TPP2: variants seen among roughly 807,000 people sequenced by gnomAD.
TPP2 encodes the protein tripeptidyl-peptidase 2.
TPP2 carries 34 observed loss-of-function variants against 155.9 expected under a neutral mutation model. The ratio of observed to expected loss-of-function variants is 0.22; its 90% CI spans 0.17 to 0.29. TPP2 has a LOEUF of 0.29. TPP2 is among the 10% of genes least tolerant of loss of function. TPP2 has a pLI of 1.00. For synonymous variants in TPP2, 510 were observed against 529.4 expected, an observed-to-expected ratio of 0.96 and a Z score of 0.50; for missense variants, 1,028 against 1,522.3, an observed-to-expected ratio of 0.68 and a Z score of 5.40.
chr13:102,606,276 G>T (rs970695192), intron 2 of TPP2, among the ~76,000 whole-genome samples: 10 of 152,148 alleles, frequency 6.6e-5, no homozygotes, highest in African/African-American at 2.4e-4. Flanking sequence ...AGCTTGTTGT[G>T]GCAGCATATT....
chr13:102,597,908 T>G (rs1748224865), intron 1 of TPP2, among the ~76,000 whole-genome samples: 1 of 152,204 alleles, frequency 6.6e-6, no homozygotes, highest in Non-Finnish European at 1.5e-5. Context: ...GGCTTAGTCT[T>G]CGTTTACATA....
At chr13:102,629,973 C>T (rs1595163444) in intron 9 of TPP2, 123 bp from the exon 10 acceptor site, 2 of 726,582 alleles carry the variant, frequency 2.8e-6, no homozygotes, top group Non-Finnish European at 4.3e-6. Context: ...AAATTTTATT[C>T]TTCCATCGTA....
chr13:102,604,083 G>A (rs1277887135), intron 1 of TPP2, among the ~76,000 whole-genome samples: 2 of 152,100 alleles, frequency 1.3e-5, no homozygotes, highest in African/African-American at 4.8e-5. Flanking sequence ...GGGATTCCTG[G>A]GATGGCAAAG....
At chr13:102,609,799 TCC>T (rs1880139084) in intron 2 of TPP2, among the ~76,000 whole-genome samples, 1 of 151,946 alleles carries the variant, frequency 6.6e-6, no homozygotes, top group African/African-American at 2.4e-5. Flanking sequence ...ACCACATCCC[TCC>T]CCTGACACGA....
At chr13:102,599,208 A>G (rs1288308497) in intron 1 of TPP2, among the ~76,000 whole-genome samples, 2 of 152,234 alleles carry the variant, frequency 1.3e-5, no homozygotes, top group African/African-American at 4.8e-5. Context: ...TGGATCTTTC[A>G]TCACCAACTA....
At chr13:102,625,477 A>G (rs1881546692) in intron 6 of TPP2, among the ~76,000 whole-genome samples, 1 of 152,026 alleles carries the variant, frequency 6.6e-6, no homozygotes, top group African/African-American at 2.4e-5. Flanking sequence ...TTTAAGAAAT[A>G]TTCAAGCTGT....
Position 102,635,751 on chromosome 13 carries a change from T to C in TPP2, c.1509+49T>C, listed in dbSNP as rs78776414. On this transcript the variant is annotated intron_variant, in intron 12 of 29. Transcript: ENST00000376052. ...GGGTTGTAAAGCATCATTGAGATAA[T>C]ATCTTAGATATTATTGGGTAATATT... is the stretch of plus-strand genomic sequence containing the variant. 8.1e-4 allele frequency: 1,082 copies of C among 1,332,080 alleles called. 3 individuals are homozygous for C. The African/African-American group carries it at 0.011, about 13-fold the overall frequency. 82.5% of individuals were successfully genotyped at this position (1,332,080 alleles called of 1,614,324 possible).
chr13:102,618,049 A>T (rs1466643851), intron 4 of TPP2, among the ~76,000 whole-genome samples: 1 of 152,190 alleles, frequency 6.6e-6, no homozygotes, highest in Non-Finnish European at 1.5e-5. Flanking sequence ...TTTCCTAATT[A>T]TTTGAGTACC....
intron 28 of TPP2, among the ~76,000 whole-genome samples, chr13:102,674,926 C>T (rs1236091953): frequency 2.0e-5 from 3 of 152,046 alleles, no homozygotes; most frequent in Non-Finnish European, 2.9e-5. Context: ...CAGTAATTAT[C>T]ATCTTGATTT....
chr13:102,604,805 G>A lies in TPP2; in HGVS notation c.178G>A (p.Gly60Arg). ...TCTTAATTTTCAGGTTACAACTGAT[G>A]GAAAACCAAAAATCGTTGATATCAT... ...GAPGMQVTTD[G>R]KPKIVDIIDT... is the part of the protein sequence containing the mutation. Residue 60 changes from glycine (G) to arginine (R), a missense_variant, in exon 2 of 30, where the codon GGA becomes AGA. By Grantham distance (125) the Gly-to-Arg change is moderately radical. Transcript: ENST00000376052. 1 of 1,610,362 alleles carries A rather than the reference G, an allele frequency of 6.2e-7. No homozygotes were observed. The highest frequency in any genetic ancestry group is 8.5e-7 in the Non-Finnish European group (1 of 1,179,178).
intron 1 of TPP2, among the ~76,000 whole-genome samples, chr13:102,602,504 C>T (rs1330088437): frequency 6.6e-6 from 1 of 152,058 alleles, no homozygotes; most frequent in Non-Finnish European, 1.5e-5. Flanking sequence ...ACAGCTGTGC[C>T]TGGGAGGCCT....
chr13:102,605,113 G>T (rs1270027666), intron 2 of TPP2, among the ~76,000 whole-genome samples, 192 bp downstream of exon 2: 1 of 134,980 alleles, frequency 7.4e-6, no homozygotes, highest in Non-Finnish European at 1.6e-5. Context: ...ATCTGGGTGT[G>T]GCTTAACGGG....
intron 4 of TPP2, among the ~76,000 whole-genome samples, chr13:102,617,123 C>G (rs749003949): frequency 6.6e-6 from 1 of 151,756 alleles, no homozygotes; most frequent in Non-Finnish European, 1.5e-5. Flanking sequence ...ACCGTGTTGG[C>G]CAGGCTGGTC....
At chr13:102,635,908 G>T (rs1393910408) in intron 12 of TPP2, among the ~76,000 whole-genome samples, 1 of 152,142 alleles carries the variant, frequency 6.6e-6, no homozygotes, top group African/African-American at 2.4e-5. Context: ...AAATGTAATA[G>T]ATGGAGGCCA....
At chr13:102,603,331 G>C (rs185394484) in intron 1 of TPP2, among the ~76,000 whole-genome samples, 1 of 152,260 alleles carries the variant, frequency 6.6e-6, no homozygotes, top group East Asian at 1.9e-4. Flanking sequence ...TCACCTACTT[G>C]TATCATTAGA....
chr13:102,616,322 A>G (rs1290564369), intron 3 of TPP2, 74 bp from the exon 4 acceptor site: 1 of 1,199,186 alleles, frequency 8.3e-7, no homozygotes, highest in Non-Finnish European at 1.2e-6. Context: ...AACAAAGTCC[A>G]CATATAAATG....
intron 24 of TPP2, among the ~76,000 whole-genome samples, chr13:102,652,492 C>T (rs1052001657): frequency 4.1e-5 from 5 of 121,766 alleles, no homozygotes. Flanking sequence ...CTGGTGAAGA[C>T]GTGCTACGTC....
At chr13:102,625,145 A>G (rs1208798524) in intron 6 of TPP2, among the ~76,000 whole-genome samples, 1 of 141,800 alleles carries the variant, frequency 7.1e-6, no homozygotes, top group Non-Finnish European at 1.5e-5. Context: ...GGTGTGAGCC[A>G]CCACGCCCGG....
chr13:102,602,887 G>A (rs1232297147), intron 1 of TPP2, among the ~76,000 whole-genome samples: 1 of 151,934 alleles, frequency 6.6e-6, no homozygotes, highest in East Asian at 1.9e-4. Context: ...CTTTCTTGAG[G>A]ATGGAGTTTT....
Sources: gnomAD v4.1 joint callset for allele counts (sites outside exome capture counted in the v4.1 genomes callset) on GRCh38, gnomAD v4.1.1 for gene constraint, MANE v1.5 for transcripts, NCBI Gene and HGNC (gene_info 2026-07-23, HGNC 2026-07-21) for gene names.